TRAPPC10: variants seen among roughly 807,000 people sequenced by gnomAD.
TRAPPC10 encodes TRAPP 130 kDa subunit.
In TRAPPC10, 23 loss-of-function variants were observed where a neutral mutation model predicts 125.5. The ratio of observed to expected loss-of-function variants is 0.18; its 90% CI spans 0.13 to 0.26. The LOEUF (loss-of-function observed/expected upper bound fraction) is 0.26, where lower values mean the gene tolerates loss of function less well. Ranked by LOEUF, TRAPPC10 falls within the 10% of genes least tolerant of loss-of-function variation. TRAPPC10 has a pLI of 1.00. For synonymous variants in TRAPPC10, 509 were observed against 518.0 expected, an observed-to-expected ratio of 0.98 and a Z score of 0.24; for missense variants, 1,123 against 1,308.4, an observed-to-expected ratio of 0.86 and a Z score of 2.19.
At chr21:44,028,588 A>G (rs6518344) in intron 1 of TRAPPC10, among the ~76,000 whole-genome samples, 5,131 of 152,302 alleles carry the variant, frequency 0.034, 250 homozygotes, top group African/African-American at 0.11. Context: ...ATGAGAGCCA[A>G]TGGTGGGTGT....
intron 6 of TRAPPC10, chr21:44,062,749 T>C: frequency 1.0e-5 from 10 of 985,384 alleles, no homozygotes; most frequent in South Asian, 4.7e-5. Context: ...CACACCACTA[T>C]GCGCTCCCCG....
chr21:44,048,563 A>G (rs1336774540), intron 3 of TRAPPC10, among the ~76,000 whole-genome samples: 1 of 152,064 alleles, frequency 6.6e-6, no homozygotes, highest in African/African-American at 2.4e-5. Context: ...GTGAGATCTC[A>G]GCTCACTACA....
chr21:44,059,454 CTG>C lies in TRAPPC10; in HGVS notation c.790+242_790+243del, dbSNP rs767320306. ...CAAAAATAATAATAATTTAAAAAAA[CTG>C]TTTTCCAGGTATAAAATGTCCTTTC... On this transcript the variant is annotated intron_variant, in intron 6 of 22. Coordinates refer to ENST00000291574, the MANE Select transcript of TRAPPC10 (RefSeq NM_003274.5). This position sits in a 1 kb window ranked among gnomAD's most constrained non-coding sequence, Gnocchi z 4.4. The C allele has an allele frequency of 1.4e-6, 1 of 725,026 alleles. No homozygotes were observed. The allele number at this position is 725,026 out of a possible 1,614,324, so 44.9% of individuals were successfully genotyped here.
At chr21:44,091,334 C>T (rs1014709602) in intron 18 of TRAPPC10, among the ~76,000 whole-genome samples, 2 of 152,364 alleles carry the variant, frequency 1.3e-5, no homozygotes, top group South Asian at 2.1e-4. Flanking sequence ...CCCCAAAGGC[C>T]AGTGAGGGTG....
At chr21:44,024,066 G>A (rs1015809106) in intron 1 of TRAPPC10, among the ~76,000 whole-genome samples, 5 of 152,214 alleles carry the variant, frequency 3.3e-5, no homozygotes, top group Non-Finnish European at 1.5e-5. Flanking sequence ...GATTACAGGC[G>A]TGAGCCACCG....
chr21:44,037,872 G>A lies in TRAPPC10; in HGVS notation c.230G>A (p.Gly77Glu). The change falls in exon 3 of 23, where the codon GGA (glycine) becomes GAA (glutamate). Residue 77 changes from glycine (G) to glutamate (E), a missense_variant. By Grantham distance (98) the Gly-to-Glu change is moderately conservative. Coordinates refer to ENST00000291574, the MANE Select transcript of TRAPPC10 (RefSeq NM_003274.5). ...QFKEELLPKE[G>E]NKALLTFPFL... ...AAAGAGGAGCTGCTGCCCAAAGAAG[G>A]AAACAAAGCTCTGCTCACGTTTCCC... is the stretch of plus-strand genomic sequence containing the variant. 1.2e-6 allele frequency: 2 copies of A among 1,614,156 alleles called. No individual in the cohort carries two copies. The highest frequency in any genetic ancestry group is 2.7e-5 in the African/African-American group (2 of 75,060).
chr21:44,060,127 A>T (rs1037894084), intron 6 of TRAPPC10: 1 of 152,364 alleles, frequency 6.6e-6, no homozygotes, highest in Non-Finnish European at 1.5e-5. Flanking sequence ...AGTGGCGCCG[A>T]TGGATACTGG....
intron 17 of TRAPPC10, chr21:44,089,429 G>A (rs113135693): frequency 2.4e-6 from 1 of 409,834 alleles, no homozygotes. Context: ...AGTAGTTACT[G>A]ATTGGCTAAT....
At position 44,089,943 on chromosome 21, in the gene TRAPPC10, G is replaced by A; in HGVS notation, c.2870+10G>A. ...TGTCCTCAGGAACACGGTAACGGAG[G>A]CGTAGCGTGCGGGCCCTGGCTTCTT... is the stretch of plus-strand genomic sequence containing the variant. On this transcript the variant is annotated intron_variant, in intron 18 of 22. Transcript: ENST00000291574. The A allele has an allele frequency of 1.9e-6, 3 of 1,603,720 alleles. No homozygotes were observed. The highest frequency in any genetic ancestry group is 2.6e-6 in the Non-Finnish European group (3 of 1,171,708).
intron 2 of TRAPPC10, among the ~76,000 whole-genome samples, chr21:44,035,083 G>C (rs566742282): frequency 7.9e-5 from 12 of 152,340 alleles, no homozygotes; most frequent in African/African-American, 2.9e-4. Flanking sequence ...GCAGGTACTT[G>C]GTGTAGTTTG....
intron 6 of TRAPPC10, among the ~76,000 whole-genome samples, chr21:44,060,778 T>G (rs2145901192): frequency 6.6e-6 from 1 of 151,694 alleles, no homozygotes; most frequent in Middle Eastern, 3.4e-3. Context: ...TTTCTATATT[T>G]TTAGTAGAAA....
intron 15 of TRAPPC10, 122 bp downstream of exon 15, chr21:44,084,385 A>G: frequency 2.0e-6 from 2 of 999,310 alleles, no homozygotes; most frequent in Non-Finnish European, 2.7e-6. Flanking sequence ...ATTTTGGGTA[A>G]CATAATGGAA....
Position 44,059,701 on chromosome 21 carries a change from CAG to C in TRAPPC10, c.790+493_790+494del. 1 of 510,448 alleles carries C rather than the reference CAG, an allele frequency of 2.0e-6. No individual in the cohort carries two copies. The highest frequency in any genetic ancestry group is 3.5e-6 in the Non-Finnish European group (1 of 286,382). 31.6% of individuals were successfully genotyped at this position (510,448 alleles called of 1,614,324 possible). The stretch of plus-strand genomic sequence containing the variant: ...AGAATTAGCACAGTGAAACCATACA[CAG>C]AGAGAAACATTGGTTATTGTCCTCA... On this transcript the variant is annotated intron_variant, in intron 6 of 22. Transcript: ENST00000291574. This position sits in a 1 kb window ranked among gnomAD's most constrained non-coding sequence, Gnocchi z 4.4.
At chr21:44,033,194 A>G (rs2033725806) in intron 2 of TRAPPC10, among the ~76,000 whole-genome samples, 1 of 152,240 alleles carries the variant, frequency 6.6e-6, no homozygotes, top group Non-Finnish European at 1.5e-5. Context: ...CAGGGTATAC[A>G]GAATTTCCTG....
At chr21:44,078,173 G>A (rs1351473562) in intron 11 of TRAPPC10, among the ~76,000 whole-genome samples, 1 of 152,122 alleles carries the variant, frequency 6.6e-6, no homozygotes, top group African/African-American at 2.4e-5. Context: ...GGCCATTGAT[G>A]TAAAGCTACT....
chr21:44,035,516 A>G (rs1278962728), intron 2 of TRAPPC10, among the ~76,000 whole-genome samples: 2 of 152,182 alleles, frequency 1.3e-5, no homozygotes, highest in African/African-American at 4.8e-5. Flanking sequence ...TCAGGTCAGC[A>G]CAGTGGCTCA....
intron 1 of TRAPPC10, among the ~76,000 whole-genome samples, chr21:44,013,005 A>C (rs777920111): frequency 3.3e-5 from 5 of 152,152 alleles, no homozygotes; most frequent in Non-Finnish European, 7.4e-5. Context: ...GCAGAGTTGC[A>C]GGCGTTGGCG....
intron 5 of TRAPPC10, among the ~76,000 whole-genome samples, chr21:44,056,950 T>A (rs1361259814): frequency 6.6e-6 from 1 of 152,022 alleles, no homozygotes; most frequent in Non-Finnish European, 1.5e-5. Context: ...CTAGATAATT[T>A]TTTTTTTTGC....
chr21:44,095,330 C>G (rs1161551444), intron 20 of TRAPPC10, among the ~76,000 whole-genome samples: 3 of 152,054 alleles, frequency 2.0e-5, no homozygotes, highest in Admixed American at 2.0e-4. Flanking sequence ...ACCACAACCT[C>G]TGCCTCCCAG....
Sources: gnomAD v4.1 joint callset for allele counts (sites outside exome capture counted in the v4.1 genomes callset) on GRCh38, gnomAD v4.1.1 for gene constraint, Gnocchi (gnomAD v3.1) non-coding constraint, MANE v1.5 for transcripts, NCBI Gene and HGNC (gene_info 2026-07-23, HGNC 2026-07-21) for gene names.